RTKN2: variants seen among roughly 807,000 people sequenced by gnomAD.
RTKN2 encodes the protein rhotekin-2.
A neutral mutation model predicts 71.5 loss-of-function variants in RTKN2; 69 were observed. The observed-to-expected ratio is 0.96, with a 90% CI of 0.79 to 1.18. The LOEUF is 1.18. Among genes scored for constraint, RTKN2 ranks in the 50% most tolerant of loss-of-function variants. The pLI is 0.00. For synonymous variants in RTKN2, 236 were observed against 236.5 expected (o/e 1.00, Z 0.02); for missense variants, 724 against 719.7 (o/e 1.01, Z -0.07).
chr10:62,257,904 A>T (rs1307899440), intron 2 of RTKN2, among the ~76,000 whole-genome samples: 1 of 152,210 alleles, frequency 6.6e-6, no homozygotes, highest in African/African-American at 2.4e-5. Flanking sequence ...TACCCAATCC[A>T]GAAAGGTTTT....
At chr10:62,224,569 T>C (rs1841979799) in intron 6 of RTKN2, among the ~76,000 whole-genome samples, 1 of 152,106 alleles carries the variant, frequency 6.6e-6, no homozygotes, top group Admixed American at 6.5e-5. Context: ...CAGCATTACA[T>C]TCTGATGCAG....
chr10:62,216,559 T>C (rs1841774461), intron 9 of RTKN2, among the ~76,000 whole-genome samples: 1 of 152,082 alleles, frequency 6.6e-6, no homozygotes, highest in African/African-American at 2.4e-5. Context: ...ATTTCAATAG[T>C]CTCCTTTGTA....
intron 2 of RTKN2, among the ~76,000 whole-genome samples, chr10:62,258,090 A>G (rs1001826981): frequency 2.0e-5 from 3 of 152,220 alleles, no homozygotes; most frequent in Non-Finnish European, 4.4e-5. Context: ...CAATATTCTC[A>G]GGATTGTGTG....
chr10:62,190,768 G>A (rs753331189), downstream of RTKN2, among the ~76,000 whole-genome samples: 13 of 152,156 alleles, frequency 8.5e-5, no homozygotes, highest in East Asian at 1.9e-4. Context: ...CTCTAGTTCT[G>A]ATGCCAACTA....
rs1433462000 is a variant in RTKN2, at chr10:62,194,296, T to G, written c.*3612A>C. ...TGATCCAGAATATGCAGATTTCATT[T>G]AACTATTAATAGCAATGAAGCAGTT... On this transcript the variant is annotated 3_prime_UTR_variant, in exon 12 of 12. Coordinates refer to ENST00000373789, the MANE Select transcript of RTKN2 (RefSeq NM_145307.4). 32 of 981,270 alleles carry G rather than the reference T, an allele frequency of 3.3e-5. No individual in the cohort carries two copies. The highest frequency in any genetic ancestry group is 3.8e-5 in the Non-Finnish European group (31 of 826,252). The allele number at this position is 981,270 out of a possible 1,614,324, so 60.8% of individuals were successfully genotyped here. A position where few individuals can be genotyped will look rare whatever the true frequency, so the allele number is the denominator to read the frequency against.
rs1589376435 is a variant in RTKN2, at chr10:62,245,996, T to C, written c.316+3A>G. Reference sequence around the variant, plus strand: ...CAATATAAAAGATTCATTTATAGCATACCTGATATGGCAATCTTTCCTTTA... The same window carrying C: ...CAATATAAAAGATTCATTTATAGCACACCTGATATGGCAATCTTTCCTTTA... On this transcript the variant is annotated splice_donor_region_variant and intron_variant, in intron 3 of 11. Coordinates refer to ENST00000373789, the MANE Select transcript of RTKN2 (RefSeq NM_145307.4). The C allele has an allele frequency of 7.7e-6, 12 of 1,562,690 alleles. No homozygotes were observed. Among genetic ancestry groups the C allele is most frequent in the Non-Finnish European group, 1.0e-5 (12 of 1,143,294 alleles).
chr10:62,213,351 A>T (rs1841700834), intron 9 of RTKN2, among the ~76,000 whole-genome samples: 1 of 152,196 alleles, frequency 6.6e-6, no homozygotes, highest in South Asian at 2.1e-4. Context: ...TCCTAACGGG[A>T]GGCTCTATAA....
chr10:62,262,818 A>G lies in RTKN2; in HGVS notation c.64T>C (p.Cys22Arg). 6.3e-7 allele frequency: 1 copy of G among 1,596,268 alleles called. No individual in the cohort carries two copies. The highest frequency in any genetic ancestry group is 8.5e-7 in the Non-Finnish European group (1 of 1,171,304). ...RLAGLPTQQD[C>R]NIQEKIDLEI... The stretch of plus-strand genomic sequence containing the variant: ...AAGTCTATTTTTTCTTGAATGTTGC[A>G]GTCCTAAAAAAAAAATGCATCTTGA... The change falls in exon 2 of 12, where the codon TGC becomes CGC. Residue 22 changes from cysteine to arginine, a missense_variant. By Grantham distance (180) the Cys-to-Arg change is radical (BLOSUM62 -3). Coordinates refer to ENST00000373789, the MANE Select transcript of RTKN2 (RefSeq NM_145307.4).
rs548960626 is a variant in RTKN2, at chr10:62,254,765, C to A, written c.257+7860G>T. On this transcript the variant is annotated intron_variant, in intron 2 of 11. Transcript: ENST00000373789. ...GATCAGCCTGGGCAAGATAGCAAGA[C>A]CCTGTTTCTACAAAATAAAAAAATA... Among the ~76,000 whole-genome samples the A allele has an allele frequency of 1.5e-3, 226 of 152,024 alleles. No homozygotes were observed. In the South Asian group the frequency reaches 0.016, roughly 11 times the overall value.
downstream of RTKN2, among the ~76,000 whole-genome samples, chr10:62,188,997 G>A (rs1841178907): frequency 6.6e-6 from 1 of 150,520 alleles, no homozygotes; most frequent in Admixed American, 6.6e-5. Flanking sequence ...ATCCGCCCAC[G>A]TCGGCCTCCC....
chr10:62,189,197 T>C (rs933176847), downstream of RTKN2, among the ~76,000 whole-genome samples: 2 of 152,064 alleles, frequency 1.3e-5, no homozygotes, highest in African/African-American at 4.8e-5. Flanking sequence ...GTCCTGTGTA[T>C]TACAGGATGT....
At chr10:62,255,386 A>C (rs1000182861) in intron 2 of RTKN2, among the ~76,000 whole-genome samples, 1 of 152,192 alleles carries the variant, frequency 6.6e-6, no homozygotes, top group Non-Finnish European at 1.5e-5. Flanking sequence ...GACTCTAGGC[A>C]TGGGGCAGGG....
In RTKN2 at chr10:62,193,695, T is replaced by C. The variant is rs570476425; in HGVS notation, c.*4213A>G. On this transcript the variant is annotated 3_prime_UTR_variant, in exon 12 of 12. Transcript: ENST00000373789. ...AAATAAGGAGACTCCTTGTGGCTAG[T>C]AGCGACTGAATATCCTACGTACCTA... is the stretch of plus-strand genomic sequence containing the variant. The C allele has an allele frequency of 1.8e-5, 18 of 985,186 alleles. No individual in the cohort carries two copies. The highest frequency in any genetic ancestry group is 2.3e-4 in the East Asian group (2 of 8,814). 61.0% of individuals were successfully genotyped at this position (985,186 alleles called of 1,614,324 possible).
intron 1 of RTKN2, among the ~76,000 whole-genome samples, chr10:62,267,857 A>G (rs990706410): frequency 1.3e-5 from 2 of 152,246 alleles, no homozygotes; most frequent in Non-Finnish European, 2.9e-5. Context: ...TATGGTTAAG[A>G]GTGAAAAGTG....
At chr10:62,201,952 G>A (rs1179595113) in intron 10 of RTKN2, among the ~76,000 whole-genome samples, 2 of 152,218 alleles carry the variant, frequency 1.3e-5, no homozygotes, top group African/African-American at 2.4e-5. Context: ...TTTATATATT[G>A]AAGATGTTTC....
chr10:62,185,979 A>AGGGCCT (rs1284067991), intron 8 of RTKN2, among the ~76,000 whole-genome samples: 4 of 152,232 alleles, frequency 2.6e-5, no homozygotes, highest in African/African-American at 9.6e-5. Flanking sequence ...ACCATTTTAC[A>AGGGCCT]GGGCCTGGGC....
chr10:62,194,005 A>C lies in RTKN2; in HGVS notation c.*3903T>G, dbSNP rs557104758. Reference sequence around the variant, plus strand: ...GAAAAAGTTAGAAAACGTCTTCATGAATCAGTTCTTTTAATGTACAGAAGT... The same window carrying C: ...GAAAAAGTTAGAAAACGTCTTCATGCATCAGTTCTTTTAATGTACAGAAGT... On this transcript the variant is annotated 3_prime_UTR_variant, in exon 12 of 12. Transcript: ENST00000373789. 7 of 985,046 alleles carry C rather than the reference A, an allele frequency of 7.1e-6. No individual in the cohort carries two copies. The African/African-American group carries it at 1.0e-4, about 15-fold the overall frequency. The allele number at this position is 985,046 out of a possible 1,614,324, so 61.0% of individuals were successfully genotyped here.
At chr10:62,200,247 C>T (rs1841413160) in intron 10 of RTKN2, among the ~76,000 whole-genome samples, 1 of 151,404 alleles carries the variant, frequency 6.6e-6, no homozygotes, top group Non-Finnish European at 1.5e-5. Flanking sequence ...GCTGTAGTCC[C>T]CGCTACTTGG....
chr10:62,245,485 G>C (rs1228656309), intron 3 of RTKN2, among the ~76,000 whole-genome samples: 1 of 152,042 alleles, frequency 6.6e-6, no homozygotes, highest in Non-Finnish European at 1.5e-5. Context: ...AAAATGTTTG[G>C]TCTTTACACT....
Sources: allele counts gnomAD v4.1 joint callset (sites outside exome capture counted in the v4.1 genomes callset), GRCh38; gene constraint gnomAD v4.1.1; transcripts MANE v1.5; gene names NCBI Gene and HGNC (gene_info 2026-07-23, HGNC 2026-07-21).